The following CTNNA3 variants were observed in gnomAD, a reference collection of about 807,000 sequenced individuals.
CTNNA3 encodes catenin alpha-3.
CTNNA3 carries 76 observed loss-of-function variants against 95.7 expected under a neutral mutation model. That is an observed-to-expected ratio of 0.79 (90% CI 0.66 to 0.96). The LOEUF (loss-of-function observed/expected upper bound fraction) is 0.96. CTNNA3 is among the 40% of genes least tolerant of loss of function. The probability of loss-of-function intolerance (pLI) is 0.00; values close to 1 mark genes in which losing one functional copy is unlikely to be tolerated. For missense variants in CTNNA3, 1,191 were observed against 1,089.8 expected, an observed-to-expected ratio of 1.09 and a Z score of -1.31; for synonymous variants, 431 against 374.4, an observed-to-expected ratio of 1.15 and a Z score of -1.74.
chr10:65,988,201 AATGATAG>A (rs1354902217), intron 16 of CTNNA3, among the ~76,000 whole-genome samples: 8 of 152,136 alleles, frequency 5.3e-5, no homozygotes, highest in Non-Finnish European at 1.2e-4. Context: ...AAAACAAAGA[AATGATAG>A]ATGTTTGAGG....
At chr10:66,136,826 A>G (rs1170536805) in intron 13 of CTNNA3, among the ~76,000 whole-genome samples, 2 of 151,740 alleles carry the variant, frequency 1.3e-5, no homozygotes, top group Non-Finnish European at 2.9e-5. Flanking sequence ...GTGAGTTCAC[A>G]TAATTTTTTT....
chr10:66,246,800 C>G (rs1330746806), intron 13 of CTNNA3, among the ~76,000 whole-genome samples: 1 of 151,792 alleles, frequency 6.6e-6, no homozygotes, highest in African/African-American at 2.4e-5. Context: ...TGTCTGCAAT[C>G]CCAGCACTTT....
At chr10:67,284,220 T>C (rs967846419) in intron 5 of CTNNA3, among the ~76,000 whole-genome samples, 13 of 152,248 alleles carry the variant, frequency 8.5e-5, no homozygotes, top group Admixed American at 6.5e-4. Context: ...GAAAAAGTTA[T>C]TTTGACCATT....
chr10:67,702,386 C>T lies in CTNNA3; in HGVS notation c.-1-54872G>A, dbSNP rs532286623. On this transcript the variant is annotated intron_variant, in intron 1 of 17. Transcript: ENST00000684154. ...ACCACATAGTTGGAAGTAAAGCTCT[C>T]CTCAGCAAATGTAAAAGATCAGACA... is the stretch of plus-strand genomic sequence containing the variant. Among the ~76,000 whole-genome samples the T allele has an allele frequency of 1.3e-3, 198 of 152,278 alleles. 4 individuals carry two copies. The South Asian group carries it at 0.014, about 11-fold the overall frequency.
intron 13 of CTNNA3, among the ~76,000 whole-genome samples, chr10:66,279,216 A>G (rs140656137): frequency 6.6e-6 from 1 of 152,122 alleles, no homozygotes; most frequent in African/African-American, 2.4e-5. Context: ...AAGGTCCACA[A>G]ATGACTTATG....
At chr10:67,142,316 C>T (rs1860606088) in intron 7 of CTNNA3, among the ~76,000 whole-genome samples, 1 of 152,066 alleles carries the variant, frequency 6.6e-6, no homozygotes, top group Non-Finnish European at 1.5e-5. Flanking sequence ...AGTTCTGTCT[C>T]CCTGGGTTTC....
chr10:66,787,758 G>A (rs1840807592), intron 7 of CTNNA3, among the ~76,000 whole-genome samples: 1 of 152,166 alleles, frequency 6.6e-6, no homozygotes, highest in African/African-American at 2.4e-5. Context: ...CTGGTTACAG[G>A]ACTTATAATA....
At chr10:66,621,593 A>G (rs1844750378) in intron 10 of CTNNA3, 99 bp downstream of exon 10, 4 of 502,334 alleles carry the variant, frequency 8.0e-6, no homozygotes, top group Non-Finnish European at 1.3e-5. Context: ...CCTGGTCTCA[A>G]AAAAAAAAAA....
chr10:66,889,782 C>A (rs932977939), intron 7 of CTNNA3, among the ~76,000 whole-genome samples: 1 of 147,474 alleles, frequency 6.8e-6, no homozygotes, highest in African/African-American at 2.4e-5. Context: ...ATCAGGGGAA[C>A]CACAGACCTT....
chr10:65,948,246 A>T (rs751717685), intron 17 of CTNNA3, among the ~76,000 whole-genome samples: 2 of 145,738 alleles, frequency 1.4e-5, no homozygotes, highest in African/African-American at 2.6e-5. Context: ...ATGCCACTGC[A>T]CTCCAGCCTG....
rs200219400 is a variant in CTNNA3 at position 67,587,037 on chromosome 10, TTG to T, written c.292+19818_292+19819del. On this transcript the variant is annotated intron_variant, in intron 3 of 17. Coordinates refer to ENST00000433211, the MANE Select transcript of CTNNA3 (RefSeq NM_013266.4). ...CCTTTCAAGTTTAGTACTCTCTTTT[TTG>T]TGTGAGACAGGCTGTGGCTCTGTTG... Among the ~76,000 whole-genome samples the T allele has an allele frequency of 3.5e-3, 528 of 152,188 alleles. 5 individuals are homozygous for T. The highest frequency in any genetic ancestry group is 0.012 in the African/African-American group (494 of 41,524).
At chr10:66,516,366 T>G (rs1840858546) in intron 11 of CTNNA3, among the ~76,000 whole-genome samples, 1 of 152,234 alleles carries the variant, frequency 6.6e-6, no homozygotes, top group Non-Finnish European at 1.5e-5. Context: ...TCTGCTTGAC[T>G]GTTTAATGGC....
At chr10:66,705,395 G>T (rs1168587949) in intron 9 of CTNNA3, among the ~76,000 whole-genome samples, 1 of 151,916 alleles carries the variant, frequency 6.6e-6, no homozygotes, top group Non-Finnish European at 1.5e-5. Flanking sequence ...TAGTTTCTCT[G>T]CTCAATTTTT....
intron 7 of CTNNA3, among the ~76,000 whole-genome samples, chr10:66,974,755 C>T (rs1589526075): frequency 6.6e-6 from 1 of 151,080 alleles, no homozygotes; most frequent in African/African-American, 2.4e-5. Flanking sequence ...TTTAATTTCC[C>T]TAATGACTAA....
intron 2 of CTNNA3, among the ~76,000 whole-genome samples, chr10:67,638,091 C>T (rs1839387930): frequency 6.6e-6 from 1 of 152,046 alleles, no homozygotes; most frequent in Admixed American, 6.6e-5. Context: ...GAGTCAAGAC[C>T]CATCAGTGTG....
intron 7 of CTNNA3, among the ~76,000 whole-genome samples, chr10:66,818,916 C>G (rs191802885): frequency 6.6e-6 from 1 of 151,716 alleles, no homozygotes; most frequent in African/African-American, 2.4e-5. Flanking sequence ...ATGGCGAAAC[C>G]CCATCTCTAC....
chr10:66,586,216 T>C (rs577812426), intron 10 of CTNNA3, among the ~76,000 whole-genome samples: 4 of 152,264 alleles, frequency 2.6e-5, no homozygotes, highest in South Asian at 4.1e-4. Context: ...AGCATTTTAT[T>C]CAACGGGTTG....
At chr10:67,017,427 G>A (rs1589609194) in intron 7 of CTNNA3, among the ~76,000 whole-genome samples, 1 of 152,100 alleles carries the variant, frequency 6.6e-6, no homozygotes, top group Non-Finnish European at 1.5e-5. Flanking sequence ...TGATTATGTG[G>A]AATAAAAAGA....
intron 3 of CTNNA3, among the ~76,000 whole-genome samples, chr10:67,550,625 TTTAAAGAATAAAGAAATTCTTTTA>T (rs200855713): frequency 1.0e-4 from 15 of 148,932 alleles, no homozygotes; most frequent in East Asian, 5.8e-4. Flanking sequence ...GAATTCTTTA[TTTAAAGAATAAAGAAATTCTTTTA>T]TTAAAGAATA....
Sources: gnomAD v4.1 joint callset for allele counts (sites outside exome capture counted in the v4.1 genomes callset) on GRCh38, gnomAD v4.1.1 for gene constraint, MANE v1.5 for transcripts, NCBI Gene and HGNC (gene_info 2026-07-23, HGNC 2026-07-21) for gene names.